The following ATG7 variants were observed in gnomAD, a reference collection of about 807,000 sequenced individuals.
ATG7 encodes the protein autophagy related 7, also known as ubiquitin-like modifier-activating enzyme ATG7.
In ATG7, 70 loss-of-function variants were observed where a neutral mutation model predicts 82.4. That is an observed-to-expected ratio of 0.85 (90% CI 0.70 to 1.04). The LOEUF (loss-of-function observed/expected upper bound fraction) is 1.04, where lower values mean the gene tolerates loss of function less well. ATG7 is among the 50% of genes least tolerant of loss of function. The pLI is 0.00. For missense variants in ATG7, 792 were observed against 864.3 expected (o/e 0.92, Z 1.05); for synonymous variants, 287 against 313.0 (o/e 0.92, Z 0.88).
intron 20 of ATG7, among the ~76,000 whole-genome samples, chr3:11,443,264 C>G: frequency 6.6e-6 from 1 of 152,206 alleles, no homozygotes; most frequent in East Asian, 1.9e-4. Flanking sequence ...GGCACTCCTA[C>G]TAGTCTTAAA....
the ATG7 span, among the ~76,000 whole-genome samples, chr3:11,570,536 G>A: frequency 6.6e-6 from 1 of 152,178 alleles, no homozygotes; most frequent in East Asian, 1.9e-4. Flanking sequence ...CCGCACGGGT[G>A]ACCACATACC....
At chr3:11,458,506 G>A (rs1410494684) in intron 20 of ATG7, among the ~76,000 whole-genome samples, 5 of 152,124 alleles carry the variant, frequency 3.3e-5, no homozygotes, top group South Asian at 4.2e-4. Context: ...CTCGTGATCC[G>A]CCCGCCTCGG....
chr3:11,395,579 T>C (rs1260008506), intron 19 of ATG7, among the ~76,000 whole-genome samples: 2 of 152,248 alleles, frequency 1.3e-5, no homozygotes, highest in East Asian at 3.9e-4. Context: ...ACAATGGAAA[T>C]AACTTCTTTA....
intron 19 of ATG7, among the ~76,000 whole-genome samples, chr3:11,397,340 G>A (rs769360396): frequency 1.3e-5 from 2 of 151,380 alleles, no homozygotes; most frequent in Non-Finnish European, 2.9e-5. Flanking sequence ...GCATTAATTT[G>A]TAATACAATT....
In ATG7 at chr3:11,309,073, G is replaced by A. The variant is rs747721188; in HGVS notation, c.411+12G>A. 1.9e-6 allele frequency: 3 copies of A among 1,609,286 alleles called. No individual in the cohort carries two copies. The highest frequency in any genetic ancestry group is 2.6e-6 in the Non-Finnish European group (3 of 1,175,610). On this transcript the variant is annotated intron_variant, in intron 7 of 20. Coordinates refer to ENST00000693202, the MANE Select transcript of ATG7 (RefSeq NM_001349232.2). ...TCTTGACATTTGCAGTAAGTAAATGGGCTCTCGGTTGCACCGAGGTTGGTG... is the reference window on the plus strand; with the variant it reads ...TCTTGACATTTGCAGTAAGTAAATGAGCTCTCGGTTGCACCGAGGTTGGTG...
chr3:11,490,329 T>G (rs1040506380), intron 20 of ATG7, among the ~76,000 whole-genome samples: 4 of 152,220 alleles, frequency 2.6e-5, no homozygotes, highest in Non-Finnish European at 5.9e-5. Flanking sequence ...GCTTGGTAGA[T>G]CTTCCTCCAT....
At chr3:11,338,292 C>A (rs112817430) in intron 11 of ATG7, among the ~76,000 whole-genome samples, 6,974 of 152,144 alleles carry the variant, frequency 0.046, 203 homozygotes, top group African/African-American at 0.078. Flanking sequence ...TGATCTCGTT[C>A]TTTTTTTATG....
At chr3:11,298,877 T>C (rs992521737) in intron 4 of ATG7, 22 bp downstream of exon 4, 2 of 1,613,170 alleles carry the variant, frequency 1.2e-6, no homozygotes, top group Non-Finnish European at 1.7e-6. Flanking sequence ...TAAATTTCAT[T>C]TTCCATCATC....
intron 19 of ATG7, among the ~76,000 whole-genome samples, chr3:11,410,561 A>G (rs2152914933): frequency 6.6e-6 from 1 of 152,294 alleles, no homozygotes; most frequent in Non-Finnish European, 1.5e-5. Flanking sequence ...TATAGAACTG[A>G]AACTCTATAA....
chr3:11,290,915 C>G (rs922666867), intron 3 of ATG7, among the ~76,000 whole-genome samples: 5 of 152,106 alleles, frequency 3.3e-5, no homozygotes, highest in Non-Finnish European at 7.3e-5. Context: ...GACCTCCTTA[C>G]CAAGTGATCC....
rs182667298 is a variant in ATG7, at chr3:11,360,996, C to T, written c.1683+212C>T. Among the ~76,000 whole-genome samples, 120 of 152,262 alleles carry T rather than the reference C, an allele frequency of 7.9e-4. 1 individual carries two copies. In the South Asian group the frequency reaches 7.9e-3, roughly 10 times the overall value. On this transcript the variant is annotated intron_variant, in intron 16 of 20. Coordinates refer to ENST00000693202, the MANE Select transcript of ATG7 (RefSeq NM_001349232.2). Reference sequence around the variant, plus strand: ...TGTTCCTTGTTCACCAATATAAACGCGGCTACAAACCATATTTTTGGAAAG... The same window carrying T: ...TGTTCCTTGTTCACCAATATAAACGTGGCTACAAACCATATTTTTGGAAAG...
chr3:11,563,913 C>A, the ATG7 span, among the ~76,000 whole-genome samples: 2 of 152,208 alleles, frequency 1.3e-5, no homozygotes, highest in African/African-American at 4.8e-5. Flanking sequence ...TTTCAACAGA[C>A]CCCATCAGAC....
chr3:11,341,604 C>T (rs1338999779), intron 12 of ATG7, among the ~76,000 whole-genome samples: 2 of 152,010 alleles, frequency 1.3e-5, no homozygotes, highest in African/African-American at 4.8e-5. Context: ...CCTGCCACCA[C>T]ACCTAGCTAA....
rs1448823667 is a variant in ATG7 at position 11,488,282 on chromosome 3, G to T, written c.2079+61356G>T. On this transcript the variant is annotated intron_variant, in intron 20 of 20. Coordinates refer to ENST00000693202, the MANE Select transcript of ATG7 (RefSeq NM_001349232.2). ...AGGCTGCAATCTCGGCACTTTGGGA[G>T]GCCAAGGCAGGCGGCTGCTCCTTGC... is the stretch of plus-strand genomic sequence containing the variant. 2.0e-3 allele frequency: 560 copies of T among 278,558 alleles called. 6 individuals carry two copies. Among genetic ancestry groups the T allele is most frequent in the African/African-American group, 0.014 (503 of 35,358 alleles). 17.3% of individuals were successfully genotyped at this position (278,558 alleles called of 1,614,324 possible). A position where few individuals can be genotyped will look rare whatever the true frequency, so the allele number is the denominator to read the frequency against.
At chr3:11,424,975 C>T (rs1456513664) in intron 19 of ATG7, among the ~76,000 whole-genome samples, 3 of 151,356 alleles carry the variant, frequency 2.0e-5, no homozygotes, top group South Asian at 2.1e-4. Flanking sequence ...CAAAATATCC[C>T]TTTTTTTTGT....
intron 20 of ATG7, among the ~76,000 whole-genome samples, chr3:11,503,215 T>G (rs190388039): frequency 6.6e-6 from 1 of 152,156 alleles, no homozygotes; most frequent in Admixed American, 6.5e-5. Context: ...CATAGTGGAC[T>G]TCAGACAGCT....
intron 20 of ATG7, among the ~76,000 whole-genome samples, chr3:11,509,022 C>A (rs1228941545): frequency 6.6e-6 from 1 of 152,182 alleles, no homozygotes; most frequent in Non-Finnish European, 1.5e-5. Flanking sequence ...TGAGCAAATG[C>A]CCTTTAAACT....
At chr3:11,353,226 G>A (rs367835299) in intron 14 of ATG7, among the ~76,000 whole-genome samples, 6 of 152,038 alleles carry the variant, frequency 3.9e-5, no homozygotes, top group East Asian at 3.9e-4. Context: ...GGTGGATCAC[G>A]AGGTCAAGAG....
chr3:11,382,738 T>C (rs1240423400), intron 19 of ATG7, among the ~76,000 whole-genome samples: 2 of 152,246 alleles, frequency 1.3e-5, no homozygotes, highest in East Asian at 1.9e-4. Flanking sequence ...TAAATTACTT[T>C]GTTATTGTTA....
Sources: gnomAD v4.1 joint callset for allele counts (sites outside exome capture counted in the v4.1 genomes callset) on GRCh38, gnomAD v4.1.1 for gene constraint, MANE v1.5 for transcripts, NCBI Gene and HGNC (gene_info 2026-07-23, HGNC 2026-07-21) for gene names.